CADM1: variants seen among roughly 807,000 people sequenced by gnomAD.
The protein encoded by CADM1 is TSLC-1.
A neutral mutation model predicts 53.1 loss-of-function variants in CADM1; 15 were observed. The ratio of observed to expected loss-of-function variants is 0.28; its 90% CI spans 0.19 to 0.44. CADM1 has a LOEUF of 0.44. CADM1 is among the 20% of genes least tolerant of loss of function. CADM1 has a pLI of 1.00. For missense variants in CADM1, 434 were observed against 611.3 expected, an observed-to-expected ratio of 0.71 and a Z score of 3.06; for synonymous variants, 281 against 243.0, an observed-to-expected ratio of 1.16 and a Z score of -1.45.
chr11:115,300,093 T>C (rs1192125859), intron 1 of CADM1, among the ~76,000 whole-genome samples: 1 of 152,124 alleles, frequency 6.6e-6, no homozygotes, highest in Non-Finnish European at 1.5e-5. Context: ...TTTTGGTTGA[T>C]CCAGCCTAAA....
intron 1 of CADM1, among the ~76,000 whole-genome samples, chr11:115,457,713 G>A (rs1181589908): frequency 6.6e-6 from 1 of 152,114 alleles, no homozygotes; most frequent in Non-Finnish European, 1.5e-5. Flanking sequence ...TCCTTTCTGA[G>A]CAGAAAACCA....
intron 1 of CADM1, among the ~76,000 whole-genome samples, chr11:115,431,687 C>A (rs140254224): frequency 6.6e-6 from 1 of 152,064 alleles, no homozygotes; most frequent in African/African-American, 2.4e-5. Context: ...TCCTTTAAGG[C>A]ACCCTGTTCC....
intron 1 of CADM1, among the ~76,000 whole-genome samples, chr11:115,379,438 G>A (rs889541907): frequency 5.3e-4 from 81 of 152,194 alleles, no homozygotes; most frequent in Non-Finnish European, 5.4e-4. Context: ...GGGGACAATG[G>A]AGTTACATTT....
At chr11:115,223,401 C>T (rs1441066731) in intron 5 of CADM1, among the ~76,000 whole-genome samples, 1 of 152,150 alleles carries the variant, frequency 6.6e-6, no homozygotes, top group African/African-American at 2.4e-5. Flanking sequence ...ATTTAACCTT[C>T]CACACAATCA....
intron 1 of CADM1, among the ~76,000 whole-genome samples, chr11:115,453,713 G>T (rs1948625319): frequency 6.6e-6 from 1 of 152,216 alleles, no homozygotes; most frequent in East Asian, 1.9e-4. Flanking sequence ...TGGCCAGGCT[G>T]GGCTCAAACT....
intron 1 of CADM1, among the ~76,000 whole-genome samples, chr11:115,494,243 A>C (rs940582813): frequency 6.6e-6 from 1 of 152,112 alleles, no homozygotes; most frequent in African/African-American, 2.4e-5. Context: ...GTGGTTTTGA[A>C]ATTTTTTGAA....
At chr11:115,385,094 C>A (rs970384380) in intron 1 of CADM1, among the ~76,000 whole-genome samples, 4 of 151,526 alleles carry the variant, frequency 2.6e-5, no homozygotes, top group South Asian at 2.1e-4. Context: ...TTTTCAGAAC[C>A]CTTACAGAAA....
rs185482623 is a variant in CADM1 at position 115,426,527 on chromosome 11, G to C, written c.124+77744C>G. On this transcript the variant is annotated intron_variant, in intron 1 of 11. Coordinates refer to ENST00000331581, the MANE Select transcript of CADM1 (RefSeq NM_001301043.2). ...TTTACCCCTGTGCTCTGAGAAGCAA[G>C]AGTTCAAAGGATTTTGCCTCCAGAT... 3.5e-3 allele frequency among the ~76,000 whole-genome samples: 526 copies of C among 152,240 alleles called. 3 individuals are homozygous for C. The highest frequency in any genetic ancestry group is 5.4e-3 in the Non-Finnish European group (364 of 68,020).
rs1202966251 is a variant in CADM1, at chr11:115,175,626, A to C, written c.*848T>G. ...GGTCTGTTTAGGGCATGGAAAAAGG[A>C]GGAGTCCTTTCTGCCCCAAACCTTT... is the stretch of plus-strand genomic sequence containing the variant. On this transcript the variant is annotated 3_prime_UTR_variant, in exon 12 of 12. Coordinates refer to ENST00000331581, the MANE Select transcript of CADM1 (RefSeq NM_001301043.2). The C allele has an allele frequency of 1.0e-6, 1 of 985,656 alleles. No homozygotes were observed. The highest frequency in any genetic ancestry group is 1.1e-4 in the East Asian group (1 of 8,814). The allele number at this position is 985,656 out of a possible 1,614,324, so 61.1% of individuals were successfully genotyped here. A position where few individuals can be genotyped will look rare whatever the true frequency, so the allele number is the denominator to read the frequency against.
chr11:115,381,890 T>A (rs896085170), intron 1 of CADM1, among the ~76,000 whole-genome samples: 2 of 152,068 alleles, frequency 1.3e-5, no homozygotes, highest in Non-Finnish European at 2.9e-5. Flanking sequence ...CTGACACCCA[T>A]GTTTGAGTGC....
intron 8 of CADM1, among the ~76,000 whole-genome samples, chr11:115,205,270 G>A (rs1307378357): frequency 1.3e-5 from 2 of 152,068 alleles, no homozygotes; most frequent in South Asian, 2.1e-4. Flanking sequence ...CAACAGCCAC[G>A]CTAACTAGGA....
intron 1 of CADM1, among the ~76,000 whole-genome samples, chr11:115,340,658 A>ATATATATATATTTTTTTTTTTTTTTT (rs60532835): frequency 2.9e-5 from 1 of 34,944 alleles, no homozygotes; most frequent in African/African-American, 1.4e-4. Context: ...ATATATATAT[A>ATATATATATATTTTTTTTTTTTTTTT]TTTTTTTTTT....
chr11:115,345,817 A>G, intron 1 of CADM1, among the ~76,000 whole-genome samples: 1 of 151,880 alleles, frequency 6.6e-6, no homozygotes, highest in Non-Finnish European at 1.5e-5. Context: ...CTCTTGCTCT[A>G]CCTCCCAGAT....
At chr11:115,379,409 A>G (rs1387769987) in intron 1 of CADM1, among the ~76,000 whole-genome samples, 2 of 152,260 alleles carry the variant, frequency 1.3e-5, no homozygotes, top group African/African-American at 2.4e-5. Context: ...GCACATTAAA[A>G]AGAAATTCAG....
At chr11:115,426,373 G>A (rs1010499422) in intron 1 of CADM1, among the ~76,000 whole-genome samples, 3 of 152,126 alleles carry the variant, frequency 2.0e-5, no homozygotes, top group South Asian at 2.1e-4. Context: ...GATTTCAGTC[G>A]CTTCCATGTC....
At chr11:115,264,304 T>C (rs1943065775) in intron 1 of CADM1, among the ~76,000 whole-genome samples, 1 of 152,198 alleles carries the variant, frequency 6.6e-6, no homozygotes, top group Admixed American at 6.5e-5. Context: ...ATCTGAAGGT[T>C]GATTTATAAC....
intron 1 of CADM1, among the ~76,000 whole-genome samples, chr11:115,295,870 AT>A (rs1293771115): frequency 3.9e-5 from 6 of 152,052 alleles, no homozygotes; most frequent in African/African-American, 1.2e-4. Context: ...TTAATACTAT[AT>A]TCTTAAATGC....
intron 1 of CADM1, among the ~76,000 whole-genome samples, chr11:115,309,884 A>G (rs1318623089): frequency 1.3e-5 from 2 of 152,190 alleles, no homozygotes; most frequent in African/African-American, 2.4e-5. Context: ...ATACTCGAGA[A>G]TAATCCCTAG....
intron 10 of CADM1, among the ~76,000 whole-genome samples, chr11:115,180,465 G>T (rs552838266): frequency 6.6e-6 from 1 of 152,084 alleles, no homozygotes; most frequent in African/African-American, 2.4e-5. Context: ...CAATTAGCCC[G>T]CTCTGAGCTG....
Sources: allele counts gnomAD v4.1 joint callset (sites outside exome capture counted in the v4.1 genomes callset), GRCh38; gene constraint gnomAD v4.1.1; transcripts MANE v1.5; gene names NCBI Gene and HGNC (gene_info 2026-07-23, HGNC 2026-07-21).